Variants in PCDH15 observed in about 807,000 individuals in gnomAD.
The protein encoded by PCDH15 is protocadherin related 15.
PCDH15 carries 129 observed loss-of-function variants against 178.5 expected under a neutral mutation model. The ratio of observed to expected loss-of-function variants is 0.72; its 90% confidence interval spans 0.63 to 0.84. PCDH15 has a LOEUF of 0.84. Among genes scored for constraint, PCDH15 ranks in the 40% least tolerant of loss-of-function variants. PCDH15 has a pLI of 0.00. For synonymous variants in PCDH15, 800 were observed against 732.0 expected (o/e 1.09, Z -1.50); for missense variants, 2,230 against 2,099.9 (o/e 1.06, Z -1.21).
At chr10:54,320,100 T>C (rs2061505973) in intron 7 of PCDH15, among the ~76,000 whole-genome samples, 1 of 152,118 alleles carries the variant, frequency 6.6e-6, no homozygotes, top group Non-Finnish European at 1.5e-5. Context: ...ATAAAGATTA[T>C]TCAAACCTAA....
At chr10:54,540,357 A>G (rs1285926516) in intron 2 of PCDH15, among the ~76,000 whole-genome samples, 1 of 151,836 alleles carries the variant, frequency 6.6e-6, no homozygotes, top group Non-Finnish European at 1.5e-5. Flanking sequence ...ACACAAAAAA[A>G]TCCTCAGAGA....
At chr10:54,201,227 A>C (rs2050199570) in intron 10 of PCDH15, among the ~76,000 whole-genome samples, 2 of 152,184 alleles carry the variant, frequency 1.3e-5, no homozygotes, top group Non-Finnish European at 2.9e-5. Flanking sequence ...GTATTAGCAG[A>C]TTATATATGC....
At chr10:55,217,881 T>C (rs1840751697) in intron 1 of PCDH15, among the ~76,000 whole-genome samples, 1 of 152,022 alleles carries the variant, frequency 6.6e-6, no homozygotes, top group African/African-American at 2.4e-5. Flanking sequence ...AGGGATTCTT[T>C]TTACTTGTTA....
At chr10:55,522,996 TATC>T (rs910065765) in intron 2 of PCDH15, among the ~76,000 whole-genome samples, 2 of 151,692 alleles carry the variant, frequency 1.3e-5, no homozygotes, top group Middle Eastern at 3.2e-3. Flanking sequence ...TATTTGTGAT[TATC>T]ATGAGATTTA....
At chr10:54,270,379 T>A (rs1235397347) in intron 8 of PCDH15, among the ~76,000 whole-genome samples, 4 of 152,168 alleles carry the variant, frequency 2.6e-5, no homozygotes, top group Non-Finnish European at 4.4e-5. Flanking sequence ...ATGGAATACA[T>A]GAACACATTC....
upstream of PCDH15, among the ~76,000 whole-genome samples, chr10:54,802,894 CTCAGAGCAATTCAATTA>C: frequency 6.6e-6 from 1 of 152,194 alleles, no homozygotes; most frequent in East Asian, 1.9e-4. Context: ...TCCTCATCTT[CTCAGAGCAATTCAATTA>C]TTACTAATTG....
At chr10:55,567,118 TAA>T (rs1363407487) in intron 2 of PCDH15, among the ~76,000 whole-genome samples, 1 of 151,904 alleles carries the variant, frequency 6.6e-6, no homozygotes, top group Admixed American at 6.6e-5. Context: ...TGCCTAGAAG[TAA>T]AGTCTCACAT....
intron 2 of PCDH15, among the ~76,000 whole-genome samples, chr10:55,371,446 C>T (rs1845506669): frequency 6.6e-6 from 1 of 151,994 alleles, no homozygotes; most frequent in Admixed American, 6.6e-5. Flanking sequence ...GTGTCCTCAC[C>T]CAAATCTCAT....
In PCDH15 at chr10:54,441,640, G is replaced by T. The variant is rs528626519; in HGVS notation, c.158-62698C>A. ...TGAGATAAACTAAGTTAGAAGGATTGGGTGTCAATAAATGTTTGCTAAATC... is the reference window on the plus strand; with the variant it reads ...TGAGATAAACTAAGTTAGAAGGATTTGGTGTCAATAAATGTTTGCTAAATC... On this transcript the variant is annotated intron_variant, in intron 3 of 37. Coordinates refer to ENST00000644397, the MANE Select transcript of PCDH15 (RefSeq NM_001384140.1). Among the ~76,000 whole-genome samples the T allele has an allele frequency of 2.6e-5, 4 of 152,002 alleles. No individual in the cohort carries two copies. In the South Asian group the frequency reaches 8.3e-4, roughly 32 times the overall value.
intron 14 of PCDH15, among the ~76,000 whole-genome samples, chr10:54,145,577 C>T (rs1007615027): frequency 2.0e-5 from 3 of 152,034 alleles, no homozygotes; most frequent in African/African-American, 7.2e-5. Flanking sequence ...GAAAACTTTT[C>T]TGGAGAAGTT....
chr10:54,161,090 A>G (rs1456506752), intron 13 of PCDH15, among the ~76,000 whole-genome samples: 1 of 152,190 alleles, frequency 6.6e-6, no homozygotes, highest in East Asian at 1.9e-4. Context: ...ACATTTCCAA[A>G]AAGTGACTTA....
At chr10:54,618,321 C>A (rs1446947170) in intron 2 of PCDH15, among the ~76,000 whole-genome samples, 2 of 152,096 alleles carry the variant, frequency 1.3e-5, no homozygotes, top group Non-Finnish European at 2.9e-5. Context: ...GTTTAGTTAT[C>A]TTCCTCATTT....
At chr10:54,232,957 C>T (rs1474696281) in intron 9 of PCDH15, among the ~76,000 whole-genome samples, 1 of 140,328 alleles carries the variant, frequency 7.1e-6, no homozygotes, top group African/African-American at 2.9e-5. Context: ...AAGAGAGTCA[C>T]CTCCAATCTC....
At chr10:54,111,360 T>A (rs1271782235) in intron 15 of PCDH15, among the ~76,000 whole-genome samples, 1 of 152,168 alleles carries the variant, frequency 6.6e-6, no homozygotes, top group Non-Finnish European at 1.5e-5. Context: ...CAAATTAGTC[T>A]TTTTTCATTT....
intron 3 of PCDH15, among the ~76,000 whole-genome samples, chr10:54,819,224 C>T (rs10763146): frequency 0.28 from 42,550 of 151,850 alleles, 6,097 homozygotes; most frequent in Middle Eastern, 0.36. Flanking sequence ...TTTAAACATT[C>T]ATGGTAACTG....
intron 3 of PCDH15, among the ~76,000 whole-genome samples, chr10:54,851,468 AT>A (rs1269582424): frequency 5.1e-4 from 78 of 152,304 alleles, no homozygotes; most frequent in Non-Finnish European, 1.3e-4. Context: ...AAATAGAACT[AT>A]GGAAACTGTC....
intron 1 of PCDH15, among the ~76,000 whole-genome samples, chr10:54,704,726 G>C (rs1591165862): frequency 6.6e-6 from 1 of 152,108 alleles, no homozygotes; most frequent in Non-Finnish European, 1.5e-5. Flanking sequence ...CTTGCTGGTG[G>C]GAATGTAAGT....
chr10:54,745,913 G>A (rs1050659222), intron 1 of PCDH15, among the ~76,000 whole-genome samples: 3 of 152,158 alleles, frequency 2.0e-5, no homozygotes, highest in Middle Eastern at 6.8e-3. Context: ...TGAAGATATG[G>A]CAGTCTAACA....
chr10:54,053,517 T>C (rs150256716), intron 18 of PCDH15, among the ~76,000 whole-genome samples: 146 of 152,256 alleles, frequency 9.6e-4, no homozygotes, highest in African/African-American at 3.3e-3. Flanking sequence ...AGACCATGAA[T>C]AGAAAACACC....
Sources: gnomAD v4.1 joint callset for allele counts (sites outside exome capture counted in the v4.1 genomes callset) on GRCh38, gnomAD v4.1.1 for gene constraint, MANE v1.5 for transcripts, NCBI Gene and HGNC (gene_info 2026-07-23, HGNC 2026-07-21) for gene names.